LRGUK: variants seen among roughly 807,000 people sequenced by gnomAD.
The protein encoded by LRGUK is leucine-rich repeat and guanylate kinase domain-containing protein.
A neutral mutation model predicts 76.0 loss-of-function variants in LRGUK; 65 were observed. The observed-to-expected ratio is 0.85, with a 90% CI of 0.70 to 1.05. The LOEUF (loss-of-function observed/expected upper bound fraction) is 1.05. Among genes scored for constraint, LRGUK ranks in the 50% least tolerant of loss-of-function variants. The pLI, the probability that LRGUK is intolerant of heterozygous loss-of-function variation, is 0.00. For synonymous variants in LRGUK, 268 were observed against 265.6 expected, an observed-to-expected ratio of 1.01 and a Z score of -0.09; for missense variants, 758 against 732.8, an observed-to-expected ratio of 1.03 and a Z score of -0.40.
At chr7:134,174,518 A>G (rs778245236) in intron 7 of LRGUK, 38 bp from the exon 8 acceptor site, 1 of 1,236,176 alleles carries the variant, frequency 8.1e-7, no homozygotes, top group Non-Finnish European at 1.2e-6. Flanking sequence ...GTCTTTGTGC[A>G]TTTAGTCTGT....
chr7:134,168,829 A>G (rs772238366), intron 7 of LRGUK, among the ~76,000 whole-genome samples: 2 of 152,074 alleles, frequency 1.3e-5, no homozygotes, highest in African/African-American at 4.8e-5. Context: ...ATCTTGTCCT[A>G]AACCTTAGAG....
exon 14 of LRGUK, chr7:134,199,373 A>C (rs758682376): frequency 1.2e-6 from 2 of 1,613,718 alleles, no homozygotes; most frequent in Admixed American, 3.3e-5. Context: ...CCTTTATATT[A>C]AAATTAATCA....
At chr7:134,131,412 T>C (rs1038528638) in intron 1 of LRGUK, among the ~76,000 whole-genome samples, 3 of 152,220 alleles carry the variant, frequency 2.0e-5, no homozygotes, top group African/African-American at 7.2e-5. Flanking sequence ...ATACCTGTAG[T>C]ATGTCTTACA....
intron 1 of LRGUK, among the ~76,000 whole-genome samples, chr7:134,132,411 G>A (rs551615447): frequency 6.6e-6 from 1 of 152,196 alleles, no homozygotes; most frequent in East Asian, 1.9e-4. Flanking sequence ...AGGTTAAGTG[G>A]GAAGAGGCCT....
chr7:134,199,959 C>A (rs1585542220), intron 14 of LRGUK, among the ~76,000 whole-genome samples: 2 of 95,540 alleles, frequency 2.1e-5, no homozygotes, highest in Non-Finnish European at 4.2e-5. Context: ...TATAAAATTT[C>A]TATAGATATA....
intron 16 of LRGUK, among the ~76,000 whole-genome samples, chr7:134,223,877 C>T (rs892912089): frequency 2.0e-5 from 3 of 152,176 alleles, no homozygotes; most frequent in African/African-American, 4.8e-5. Context: ...TCACCTCAGC[C>T]TCCCAAAGTG....
the LRGUK span, among the ~76,000 whole-genome samples, chr7:134,276,336 G>T: frequency 6.6e-6 from 1 of 152,230 alleles, no homozygotes; most frequent in African/African-American, 2.4e-5. Flanking sequence ...CACTGTGGGA[G>T]ACTGCTGTCA....
intron 11 of LRGUK, among the ~76,000 whole-genome samples, chr7:134,190,145 T>C (rs1057508585): frequency 2.0e-5 from 3 of 152,188 alleles, no homozygotes; most frequent in Non-Finnish European, 4.4e-5. Flanking sequence ...TAGCTTATGG[T>C]TTTTGTAAGA....
intron 7 of LRGUK, among the ~76,000 whole-genome samples, chr7:134,168,461 T>G (rs1465248080): frequency 2.0e-5 from 3 of 152,120 alleles, no homozygotes; most frequent in African/African-American, 7.2e-5. Context: ...AAATGCTTGG[T>G]TGATGTTTGA....
intron 4 of LRGUK, among the ~76,000 whole-genome samples, chr7:134,143,924 G>A (rs1344044375): frequency 6.6e-6 from 1 of 152,152 alleles, no homozygotes; most frequent in African/African-American, 2.4e-5. Context: ...TCATGCCACT[G>A]GTCCATCGGT....
intron 6 of LRGUK, among the ~76,000 whole-genome samples, chr7:134,159,399 A>T (rs528812860): frequency 3.6e-4 from 55 of 151,904 alleles, no homozygotes; most frequent in Admixed American, 1.6e-3. Context: ...TTTGACATAT[A>T]CAATATACTA....
chr7:134,143,084 G>C, exon 4 of LRGUK: 2 of 1,601,284 alleles, frequency 1.2e-6, no homozygotes, highest in African/African-American at 1.3e-5. Context: ...TGAGTTGTAT[G>C]CCTTATCTCC....
chr7:134,201,486 C>G (rs376531016), exon 15 of LRGUK: 3 of 1,613,108 alleles, frequency 1.9e-6, no homozygotes, highest in Non-Finnish European at 1.7e-6. Flanking sequence ...TGCAGATGAT[C>G]TGGATGTTGC....
At chr7:134,133,689 G>A (rs1285388230) in intron 1 of LRGUK, among the ~76,000 whole-genome samples, 1 of 148,386 alleles carries the variant, frequency 6.7e-6, no homozygotes, top group Non-Finnish European at 1.5e-5. Flanking sequence ...TTATGAACTT[G>A]ATTCTGATTT....
At chr7:134,172,816 C>CA (rs1204736340) in intron 7 of LRGUK, among the ~76,000 whole-genome samples, 6 of 151,528 alleles carry the variant, frequency 4.0e-5, no homozygotes, top group South Asian at 2.1e-4. Context: ...ACCCTGTCTC[C>CA]AAAAAAATAC....
chr7:134,225,916 AAG>A (rs2117163817), intron 16 of LRGUK, among the ~76,000 whole-genome samples: 1 of 152,286 alleles, frequency 6.6e-6, no homozygotes, highest in Non-Finnish European at 1.5e-5. Context: ...ATAATTTAGA[AAG>A]AGCTTTTGTG....
intron 5 of LRGUK, among the ~76,000 whole-genome samples, chr7:134,154,450 A>G (rs1349554621): frequency 1.3e-5 from 2 of 152,206 alleles, no homozygotes; most frequent in African/African-American, 4.8e-5. Flanking sequence ...AGGCCTGCAT[A>G]TTGACTGTTG....
chr7:134,197,703 C>A (rs1263234053), intron 13 of LRGUK, among the ~76,000 whole-genome samples: 1 of 152,120 alleles, frequency 6.6e-6, no homozygotes, highest in Admixed American at 6.6e-5. Flanking sequence ...GGAGATTTTT[C>A]TCTCTACCCT....
chr7:134,139,381 C>G (rs1797669990), intron 2 of LRGUK, 55 bp from the exon 3 acceptor site: 1 of 1,128,898 alleles, frequency 8.9e-7, no homozygotes, highest in Non-Finnish European at 1.3e-6. Flanking sequence ...TGCAAGAAGG[C>G]TGAGTAGTAA....
Sources: allele counts gnomAD v4.1 joint callset (sites outside exome capture counted in the v4.1 genomes callset), GRCh38; gene constraint gnomAD v4.1.1; transcripts MANE v1.5; gene names NCBI Gene and HGNC (gene_info 2026-07-23, HGNC 2026-07-21).